The following LHFPL3 variants were observed in gnomAD, a reference collection of about 807,000 sequenced individuals.
The protein encoded by LHFPL3 is LHFPL tetraspan subfamily member 3, also known as LHFPL tetraspan subfamily member 3 protein.
LHFPL3 carries 5 observed loss-of-function variants against 19.3 expected under a neutral mutation model. The ratio of observed to expected loss-of-function variants is 0.26; its 90% CI spans 0.14 to 0.54. The LOEUF (loss-of-function observed/expected upper bound fraction) is 0.54, where lower values mean the gene tolerates loss of function less well. Ranked by LOEUF, LHFPL3 falls within the 20% of genes least tolerant of loss-of-function variation. The probability of loss-of-function intolerance (pLI) is 0.94; values close to 1 mark genes in which losing one functional copy is unlikely to be tolerated. For synonymous variants in LHFPL3, 133 were observed against 126.2 expected, an observed-to-expected ratio of 1.05 and a Z score of -0.36; for missense variants, 249 against 307.4, an observed-to-expected ratio of 0.81 and a Z score of 1.42.
chr7:104,383,993 T>C (rs1790883802), intron 1 of LHFPL3, among the ~76,000 whole-genome samples: 2 of 152,222 alleles, frequency 1.3e-5, no homozygotes, highest in South Asian at 2.1e-4. Context: ...ACCTGACTAT[T>C]AGCCGCCTGG....
At chr7:104,491,962 C>G (rs954142988) in intron 1 of LHFPL3, among the ~76,000 whole-genome samples, 2 of 152,164 alleles carry the variant, frequency 1.3e-5, no homozygotes, top group African/African-American at 4.8e-5. Context: ...AACTATTCCT[C>G]ATTCAAAGTC....
chr7:104,789,417 G>A (rs754208405), intron 2 of LHFPL3, among the ~76,000 whole-genome samples: 2 of 151,996 alleles, frequency 1.3e-5, no homozygotes, highest in African/African-American at 4.8e-5. Context: ...AATGTTAAGG[G>A]GTCATTTTTA....
chr7:104,595,376 AAGAACAGCAAATATTAC>A (rs2115664444), intron 1 of LHFPL3, among the ~76,000 whole-genome samples: 1 of 152,368 alleles, frequency 6.6e-6, no homozygotes, highest in East Asian at 1.9e-4. Context: ...GCGGAAGCTG[AAGAACAGCAAATATTAC>A]AGAACAGCAA....
chr7:104,416,255 G>C (rs1280239116), intron 1 of LHFPL3, among the ~76,000 whole-genome samples: 1 of 152,190 alleles, frequency 6.6e-6, no homozygotes, highest in Non-Finnish European at 1.5e-5. Context: ...TCATAAGCTA[G>C]AAGAGGCAAG....
intron 1 of LHFPL3, among the ~76,000 whole-genome samples, chr7:104,611,525 AAAG>A (rs1791213736): frequency 6.6e-6 from 1 of 152,218 alleles, no homozygotes; most frequent in Non-Finnish European, 1.5e-5. Flanking sequence ...ATCAAAGGGC[AAAG>A]AAGGAGACTA....
intron 2 of LHFPL3, among the ~76,000 whole-genome samples, chr7:104,822,848 A>G (rs1482290433): frequency 1.3e-5 from 2 of 152,154 alleles, no homozygotes; most frequent in Non-Finnish European, 2.9e-5. Context: ...GTTAAAAAAA[A>G]GGGGGCAGTG....
chr7:104,855,645 T>A lies in LHFPL3; in HGVS notation c.683-50542T>A, dbSNP rs1467733586. 2.0e-5 allele frequency among the ~76,000 whole-genome samples: 3 copies of A among 146,606 alleles called. No homozygotes were observed. The East Asian group carries it at 5.9e-4, about 29-fold the overall frequency. ...TTTTTCTTTCTTTTTTTTTTTTTAG[T>A]CGGAGCCTCGCTCTGTCACCCAGTC... On this transcript the variant is annotated intron_variant, in intron 2 of 2. Transcript: ENST00000424859.
At chr7:104,337,069 A>G (rs1337947043) in intron 1 of LHFPL3, among the ~76,000 whole-genome samples, 1 of 152,058 alleles carries the variant, frequency 6.6e-6, no homozygotes, top group African/African-American at 2.4e-5. Flanking sequence ...TCTGCAGGGA[A>G]TGTTTTCTGC....
At chr7:104,766,563 G>T (rs960170945) in intron 2 of LHFPL3, among the ~76,000 whole-genome samples, 6 of 152,250 alleles carry the variant, frequency 3.9e-5, no homozygotes, top group Non-Finnish European at 5.9e-5. Context: ...AAATTACTGG[G>T]GAAAAGGGAA....
At chr7:104,443,736 T>C (rs1012344889) in intron 1 of LHFPL3, among the ~76,000 whole-genome samples, 3 of 152,224 alleles carry the variant, frequency 2.0e-5, no homozygotes, top group African/African-American at 7.2e-5. Flanking sequence ...ACAAAATTCT[T>C]GTAGATTGCA....
intron 1 of LHFPL3, among the ~76,000 whole-genome samples, chr7:104,585,219 T>C (rs1790542960): frequency 6.6e-6 from 1 of 152,062 alleles, no homozygotes; most frequent in African/African-American, 2.4e-5. Flanking sequence ...ACCTGGCGAC[T>C]ACCACAAGGA....
intron 2 of LHFPL3, among the ~76,000 whole-genome samples, chr7:104,891,958 CTA>C (rs1241709698): frequency 1.3e-5 from 2 of 152,216 alleles, no homozygotes; most frequent in Non-Finnish European, 2.9e-5. Context: ...ATTAATCCAG[CTA>C]CCAGGAATCT....
At chr7:104,757,586 A>G (rs1794308821) in intron 2 of LHFPL3, 1 of 152,182 alleles carries the variant, frequency 6.6e-6, no homozygotes, top group Non-Finnish European at 1.5e-5. Context: ...AGTAGACAAA[A>G]AACATAGGAA....
intron 2 of LHFPL3, among the ~76,000 whole-genome samples, chr7:104,761,517 C>T (rs1384521952): frequency 6.6e-6 from 1 of 152,122 alleles, no homozygotes; most frequent in Non-Finnish European, 1.5e-5. Context: ...CCCTCAGTCA[C>T]CATGTTCTGC....
chr7:104,381,601 A>G (rs375338210), intron 1 of LHFPL3, among the ~76,000 whole-genome samples: 3 of 151,318 alleles, frequency 2.0e-5, no homozygotes, highest in African/African-American at 4.9e-5. Context: ...AATGTTTACT[A>G]TGTATCAGGC....
intron 2 of LHFPL3, among the ~76,000 whole-genome samples, chr7:104,780,197 T>C (rs182223911): frequency 1.1e-3 from 164 of 152,232 alleles, no homozygotes; most frequent in African/African-American, 3.8e-3. Flanking sequence ...CACTTCCCAC[T>C]TGTGAGTGAG....
intron 2 of LHFPL3, among the ~76,000 whole-genome samples, chr7:104,903,184 T>A (rs149532776): frequency 6.6e-6 from 1 of 152,260 alleles, no homozygotes; most frequent in Non-Finnish European, 1.5e-5. Flanking sequence ...CTTAGATACA[T>A]GTACTTCCTT....
chr7:104,896,858 G>GA (rs1562829112), intron 2 of LHFPL3, among the ~76,000 whole-genome samples: 3 of 152,170 alleles, frequency 2.0e-5, no homozygotes, highest in Non-Finnish European at 2.9e-5. Flanking sequence ...GGCCAAGGCG[G>GA]GTGGATCACT....
At chr7:104,682,525 C>A (rs962090670) in intron 1 of LHFPL3, among the ~76,000 whole-genome samples, 1 of 152,208 alleles carries the variant, frequency 6.6e-6, no homozygotes, top group Non-Finnish European at 1.5e-5. Flanking sequence ...CAATGAAATG[C>A]TGTTCCTTAC....
Sources: gnomAD v4.1 joint callset for allele counts (sites outside exome capture counted in the v4.1 genomes callset) on GRCh38, gnomAD v4.1.1 for gene constraint, MANE v1.5 for transcripts, NCBI Gene and HGNC (gene_info 2026-07-23, HGNC 2026-07-21) for gene names.